The following OSBPL1A variants were observed in gnomAD, a reference collection of about 807,000 sequenced individuals.
OSBPL1A encodes the protein oxysterol-binding protein-related protein 1.
In OSBPL1A, 80 loss-of-function variants were observed where a neutral mutation model predicts 137.1. The ratio of observed to expected loss-of-function variants is 0.58; its 90% CI spans 0.49 to 0.70. The LOEUF (loss-of-function observed/expected upper bound fraction) is 0.70. Among genes scored for constraint, OSBPL1A ranks in the 30% least tolerant of loss-of-function variants. The probability of loss-of-function intolerance (pLI) is 0.00; values close to 1 mark genes in which losing one functional copy is unlikely to be tolerated. For missense variants in OSBPL1A, 970 were observed against 1,129.4 expected (o/e 0.86, Z 2.02); for synonymous variants, 365 against 389.7 (o/e 0.94, Z 0.75).
At chr18:24,291,049 A>G (rs1026658411) in intron 14 of OSBPL1A, among the ~76,000 whole-genome samples, 1 of 152,228 alleles carries the variant, frequency 6.6e-6, no homozygotes, top group African/African-American at 2.4e-5. Context: ...GACACCTCCA[A>G]ACCCAAGAAG....
At chr18:24,276,694 C>T (rs904877594) in intron 15 of OSBPL1A, among the ~76,000 whole-genome samples, 10 of 151,972 alleles carry the variant, frequency 6.6e-5, no homozygotes, top group African/African-American at 2.4e-4. Flanking sequence ...ATCCACCCCC[C>T]ACCCACCCTC....
intron 14 of OSBPL1A, among the ~76,000 whole-genome samples, chr18:24,302,077 A>T (rs112663690): frequency 0.14 from 21,262 of 151,798 alleles, 2,470 homozygotes; most frequent in African/African-American, 0.32. Flanking sequence ...AAATAAAAAT[A>T]AAAAAATTAG....
In OSBPL1A at chr18:24,271,260, G is replaced by A. The variant is rs2089711161; in HGVS notation, c.1281+9582C>T. On this transcript the variant is annotated intron_variant, in intron 15 of 27. Transcript: ENST00000319481. The surrounding 1 kb of genome is among the most constrained non-coding windows in gnomAD (Gnocchi z 4.0). ...CATGCGAAAAATCACTAACTTGGAAGGTTATTTAGGACAATAATGTCTTTC... is the reference window on the plus strand; with the variant it reads ...CATGCGAAAAATCACTAACTTGGAAAGTTATTTAGGACAATAATGTCTTTC... Among the ~76,000 whole-genome samples, 1 of 152,154 alleles carries A rather than the reference G, an allele frequency of 6.6e-6. No homozygotes were observed. Among genetic ancestry groups the A allele is most frequent in the African/African-American group, 2.4e-5 (1 of 41,442 alleles).
intron 17 of OSBPL1A, among the ~76,000 whole-genome samples, chr18:24,198,057 G>C (rs1307027702): frequency 6.6e-6 from 1 of 151,988 alleles, no homozygotes; most frequent in East Asian, 1.9e-4. Context: ...CAAAGTGCTG[G>C]GATTACAGGC....
At chr18:24,332,518 G>A (rs377132572) in intron 7 of OSBPL1A, among the ~76,000 whole-genome samples, 1 of 146,272 alleles carries the variant, frequency 6.8e-6, no homozygotes, top group East Asian at 2.1e-4. Context: ...CTATGATGCT[G>A]TTGGCTATGA....
chr18:24,326,252 A>G (rs62088009), intron 7 of OSBPL1A, among the ~76,000 whole-genome samples: 14,520 of 152,250 alleles, frequency 0.095, 909 homozygotes, highest in East Asian at 0.27. Context: ...GCTTCATAAA[A>G]GTGGAATTTT....
chr18:24,315,313 G>A (rs1316390635), intron 11 of OSBPL1A, among the ~76,000 whole-genome samples: 1 of 152,034 alleles, frequency 6.6e-6, no homozygotes, highest in Non-Finnish European at 1.5e-5. Context: ...TCCCCCAAGG[G>A]AAAGAGACAG....
intron 17 of OSBPL1A, among the ~76,000 whole-genome samples, chr18:24,204,269 TG>T (rs2087304565): frequency 6.6e-6 from 1 of 152,354 alleles, no homozygotes; most frequent in African/African-American, 2.4e-5. Context: ...TATTTTACTT[TG>T]TTTTTCCTTG....
chr18:24,273,997 G>C (rs1361868668), intron 15 of OSBPL1A, among the ~76,000 whole-genome samples: 2 of 152,078 alleles, frequency 1.3e-5, no homozygotes, highest in East Asian at 3.9e-4. Context: ...ACATTGAGAG[G>C]CCGAGGCAGG....
intron 15 of OSBPL1A, among the ~76,000 whole-genome samples, chr18:24,265,297 T>C (rs2089544478): frequency 2.0e-5 from 3 of 152,252 alleles, no homozygotes; most frequent in Non-Finnish European, 1.5e-5. Flanking sequence ...CTGGCCAAGA[T>C]GGTGAAATCC....
intron 15 of OSBPL1A, chr18:24,272,189 G>C (rs2146059859): frequency 2.0e-6 from 2 of 983,702 alleles, no homozygotes; most frequent in East Asian, 2.3e-4. Context: ...CGAGGTCCTA[G>C]AGCTGCTGTG....
chr18:24,178,304 T>C (rs2086507916), intron 20 of OSBPL1A, 109 bp from the exon 21 acceptor site: 3 of 1,122,776 alleles, frequency 2.7e-6, no homozygotes, highest in African/African-American at 1.6e-5. Context: ...TCTTTTGTTG[T>C]TGTTGTTGAG....
intron 7 of OSBPL1A, among the ~76,000 whole-genome samples, chr18:24,331,458 G>A (rs906773031): frequency 6.1e-5 from 9 of 148,400 alleles, no homozygotes; most frequent in Middle Eastern, 3.2e-3. Flanking sequence ...GTGCAGTGGC[G>A]CGATCTCGGC....
intron 2 of OSBPL1A, among the ~76,000 whole-genome samples, chr18:24,376,933 G>A (rs557806889): frequency 3.2e-4 from 49 of 152,292 alleles, no homozygotes; most frequent in Non-Finnish European, 5.9e-4. Context: ...GCCCGCAAAC[G>A]CCGCGCGCAG....
At chr18:24,193,354 G>A (rs1391910911) in intron 18 of OSBPL1A, among the ~76,000 whole-genome samples, 1 of 152,008 alleles carries the variant, frequency 6.6e-6, no homozygotes, top group East Asian at 1.9e-4. Context: ...TGGGCATGGT[G>A]GCATGCACCT....
intron 5 of OSBPL1A, among the ~76,000 whole-genome samples, chr18:24,338,376 G>A (rs1402665404): frequency 4.0e-5 from 6 of 151,754 alleles, no homozygotes; most frequent in Admixed American, 2.6e-4. Context: ...CACCGTGCCC[G>A]GCCGAAATTT....
At chr18:24,170,577 C>A in intron 23 of OSBPL1A, 124 bp from the exon 24 acceptor site, 1 of 1,041,404 alleles carries the variant, frequency 9.6e-7, no homozygotes, top group Non-Finnish European at 1.4e-6. Context: ...GCTTAGCTTC[C>A]AAGAGCAGAT....
At chr18:24,341,756 G>A in intron 4 of OSBPL1A, 98 bp from the exon 5 acceptor site, 1 of 679,690 alleles carries the variant, frequency 1.5e-6, no homozygotes, top group Non-Finnish European at 2.4e-6. Context: ...CTCCACAATA[G>A]AAAAAAGCAC....
intron 1 of OSBPL1A, 100 bp from the exon 2 acceptor site, chr18:24,377,635 A>G (rs113716070): frequency 8.2e-7 from 1 of 1,224,966 alleles, no homozygotes; most frequent in Non-Finnish European, 1.1e-6. Context: ...CTCATTTTGC[A>G]GCTGATAAGA....
Sources: allele counts gnomAD v4.1 joint callset (sites outside exome capture counted in the v4.1 genomes callset), GRCh38; gene constraint gnomAD v4.1.1; non-coding constraint Gnocchi (gnomAD v3.1); transcripts MANE v1.5; gene names NCBI Gene and HGNC (gene_info 2026-07-23, HGNC 2026-07-21).